The following GABRG3 variants were observed in gnomAD, a reference collection of about 807,000 sequenced individuals.
The protein encoded by GABRG3 is gamma-aminobutyric acid receptor subunit gamma-3.
A neutral mutation model predicts 48.8 loss-of-function variants in GABRG3; 25 were observed. That is an observed-to-expected ratio of 0.51 (90% confidence interval 0.37 to 0.72). The LOEUF (loss-of-function observed/expected upper bound fraction) is 0.72. Among genes scored for constraint, GABRG3 ranks in the 30% least tolerant of loss-of-function variants. The pLI, the probability that GABRG3 is intolerant of heterozygous loss-of-function variation, is 0.00. For synonymous variants in GABRG3, 227 were observed against 217.6 expected (o/e 1.04, Z -0.38); for missense variants, 394 against 577.9 (o/e 0.68, Z 3.26).
At chr15:27,004,952 A>C (rs958991756) in intron 2 of GABRG3, among the ~76,000 whole-genome samples, 3 of 152,172 alleles carry the variant, frequency 2.0e-5, no homozygotes, top group African/African-American at 7.2e-5. Context: ...GATGGTGCCC[A>C]GTGGCTCCAT....
intron 3 of GABRG3, among the ~76,000 whole-genome samples, chr15:27,068,284 G>T (rs1896771883): frequency 6.6e-6 from 1 of 152,266 alleles, no homozygotes; most frequent in Admixed American, 6.5e-5. Context: ...TGCTGGGGGA[G>T]ATGCTCGCAC....
chr15:27,331,637 T>C (rs1288549394), intron 5 of GABRG3, among the ~76,000 whole-genome samples: 1 of 152,204 alleles, frequency 6.6e-6, no homozygotes, highest in South Asian at 2.1e-4. Context: ...GATACTGTCA[T>C]GTTGGACATA....
intron 3 of GABRG3, among the ~76,000 whole-genome samples, chr15:27,160,583 T>A (rs1887144532): frequency 6.6e-6 from 1 of 152,180 alleles, no homozygotes; most frequent in Non-Finnish European, 1.5e-5. Context: ...GATTTTTTTT[T>A]AATTTCTGAA....
At chr15:27,498,890 C>T (rs186657277) in intron 6 of GABRG3, among the ~76,000 whole-genome samples, 5 of 152,284 alleles carry the variant, frequency 3.3e-5, no homozygotes, top group South Asian at 2.1e-4. Flanking sequence ...ACAGTTTTCA[C>T]GGTGATCACT....
intron 3 of GABRG3, among the ~76,000 whole-genome samples, chr15:27,265,781 T>G (rs183446798): frequency 5.9e-5 from 9 of 152,148 alleles, no homozygotes; most frequent in Non-Finnish European, 1.0e-4. Context: ...TCAATTTTGA[T>G]GAAGTCCAGT....
intron 3 of GABRG3, among the ~76,000 whole-genome samples, chr15:27,245,766 G>A (rs1292691025): frequency 1.3e-5 from 2 of 152,088 alleles, no homozygotes; most frequent in Admixed American, 6.5e-5. Flanking sequence ...CCAGCTACTC[G>A]GGAGGCTGAG....
chr15:27,040,544 C>A (rs1320053989), intron 3 of GABRG3, among the ~76,000 whole-genome samples: 2 of 152,298 alleles, frequency 1.3e-5, no homozygotes, highest in South Asian at 2.1e-4. Context: ...AGAAGAAAGT[C>A]TTTTAAAATT....
chr15:27,169,643 G>C (rs1887497659), intron 3 of GABRG3, among the ~76,000 whole-genome samples: 1 of 152,210 alleles, frequency 6.6e-6, no homozygotes, highest in Admixed American at 6.5e-5. Flanking sequence ...AGCCTCTTTA[G>C]ATAGCAGCCC....
At chr15:27,074,732 A>G (rs1438329029) in intron 3 of GABRG3, among the ~76,000 whole-genome samples, 1 of 151,960 alleles carries the variant, frequency 6.6e-6, no homozygotes, top group Non-Finnish European at 1.5e-5. Flanking sequence ...AGTGTCTGAC[A>G]CTAACTGGTG....
chr15:27,110,667 G>GTT (rs1262784034), intron 3 of GABRG3, among the ~76,000 whole-genome samples: 3 of 150,718 alleles, frequency 2.0e-5, no homozygotes, highest in Non-Finnish European at 4.4e-5. Context: ...AAGTTGGTGA[G>GTT]TTTTTTTTTC....
intron 3 of GABRG3, among the ~76,000 whole-genome samples, chr15:27,055,018 T>TGTTTTGTTTTG (rs1555400723): frequency 6.6e-6 from 1 of 151,746 alleles, no homozygotes; most frequent in Admixed American, 6.6e-5. Flanking sequence ...TTTTTTTTTT[T>TGTTTTGTTTTG]TTTTTTTTTA....
intron 3 of GABRG3, among the ~76,000 whole-genome samples, chr15:27,143,998 A>G (rs1898152620): frequency 6.6e-6 from 1 of 152,180 alleles, no homozygotes; most frequent in African/African-American, 2.4e-5. Flanking sequence ...CACAACCCAG[A>G]TTGCCATTAA....
At chr15:27,009,513 G>A (rs966141655) in intron 2 of GABRG3, among the ~76,000 whole-genome samples, 1 of 152,190 alleles carries the variant, frequency 6.6e-6, no homozygotes, top group South Asian at 2.1e-4. Flanking sequence ...GGCTGAGAAA[G>A]GTTTCCAGTA....
At chr15:27,431,962 C>A (rs1033314188) in intron 5 of GABRG3, among the ~76,000 whole-genome samples, 1 of 151,858 alleles carries the variant, frequency 6.6e-6, no homozygotes, top group Non-Finnish European at 1.5e-5. Context: ...AAATTTATTC[C>A]TATTATTAAC....
chr15:27,243,482 G>A (rs376324777), intron 3 of GABRG3, among the ~76,000 whole-genome samples: 32 of 152,134 alleles, frequency 2.1e-4, no homozygotes, highest in African/African-American at 7.5e-4. Flanking sequence ...GGAGGCAAAC[G>A]GAAGAGGGCA....
At chr15:27,210,580 G>C (rs1314364703) in intron 3 of GABRG3, among the ~76,000 whole-genome samples, 2 of 152,158 alleles carry the variant, frequency 1.3e-5, no homozygotes, top group Non-Finnish European at 2.9e-5. Flanking sequence ...CAAGCACCAC[G>C]TCTACTGTGC....
At chr15:27,007,645 A>G (rs1481709377) in intron 2 of GABRG3, among the ~76,000 whole-genome samples, 1 of 151,966 alleles carries the variant, frequency 6.6e-6, no homozygotes, top group Non-Finnish European at 1.5e-5. Flanking sequence ...TGTGGTTTTG[A>G]TTTGCATTTC....
chr15:27,067,924 A>G (rs1291222081), intron 3 of GABRG3, among the ~76,000 whole-genome samples: 3 of 152,224 alleles, frequency 2.0e-5, no homozygotes, highest in Non-Finnish European at 4.4e-5. Context: ...TACTTTGAAC[A>G]TGAAAAGTTT....
At chr15:27,060,043 A>G (rs1896619367) in intron 3 of GABRG3, among the ~76,000 whole-genome samples, 1 of 152,258 alleles carries the variant, frequency 6.6e-6, no homozygotes, top group Admixed American at 6.5e-5. Flanking sequence ...ATGTGGTCAT[A>G]AACCAAGAGA....
Sources: allele counts gnomAD v4.1 joint callset (sites outside exome capture counted in the v4.1 genomes callset), GRCh38; gene constraint gnomAD v4.1.1; transcripts MANE v1.5; gene names NCBI Gene and HGNC (gene_info 2026-07-23, HGNC 2026-07-21).